AXDND1: variants seen among roughly 807,000 people sequenced by gnomAD.
The protein encoded by AXDND1 is axonemal dynein light chain domain-containing protein 1.
AXDND1 carries 110 observed loss-of-function variants against 137.5 expected under a neutral mutation model. The ratio of observed to expected loss-of-function variants is 0.80; its 90% CI spans 0.69 to 0.94. The LOEUF is 0.94. Ranked by LOEUF, AXDND1 falls within the 40% of genes least tolerant of loss-of-function variation. The pLI is 0.00. For missense variants in AXDND1, 1,191 were observed against 1,169.8 expected (o/e 1.02, Z -0.26); for synonymous variants, 414 against 399.7 (o/e 1.04, Z -0.43).
In AXDND1 at chr1:179,528,436, G is replaced by C; in HGVS notation, c.2715+5G>C. The stretch of plus-strand genomic sequence containing the variant: ...ACAGATGTGTTGTCTTCCTGGGTAT[G>C]TATCTGAAACCCAGCTAGGGAATTC... On this transcript the variant is annotated splice_donor_5th_base_variant and intron_variant, in intron 23 of 25. Coordinates refer to ENST00000367618, the MANE Select transcript of AXDND1 (RefSeq NM_144696.6). 6.3e-7 allele frequency: 1 copy of C among 1,592,252 alleles called. No homozygotes were observed. Among genetic ancestry groups the C allele is most frequent in the Non-Finnish European group, 8.6e-7 (1 of 1,160,370 alleles).
At chr1:179,475,716 T>A (rs1664530758) in intron 17 of AXDND1, among the ~76,000 whole-genome samples, 1 of 152,192 alleles carries the variant, frequency 6.6e-6, no homozygotes. Context: ...AATGCTGAAA[T>A]GAGTTTAGAC....
At chr1:179,491,311 C>CA (rs1462086346) in intron 18 of AXDND1, among the ~76,000 whole-genome samples, 1 of 151,652 alleles carries the variant, frequency 6.6e-6, no homozygotes, top group South Asian at 2.1e-4. Flanking sequence ...CACCCCGTTT[C>CA]AAAAAAATTA....
chr1:179,502,579 A>G (rs949191868), intron 20 of AXDND1, among the ~76,000 whole-genome samples: 15 of 151,896 alleles, frequency 9.9e-5, no homozygotes, highest in African/African-American at 3.1e-4. Flanking sequence ...AAAAAAAAAA[A>G]AAAAAAGAAA....
chr1:179,549,577 G>A (rs1672998540), intron 25 of AXDND1, among the ~76,000 whole-genome samples: 1 of 152,002 alleles, frequency 6.6e-6, no homozygotes, highest in Non-Finnish European at 1.5e-5. Flanking sequence ...TTTTTACCCT[G>A]GTGTTCACTT....
At chr1:179,452,010 G>A (rs761312441) in intron 16 of AXDND1, 25 of 152,826 alleles carry the variant, frequency 1.6e-4, no homozygotes, top group Non-Finnish European at 3.5e-4. Context: ...GAAATGGTTT[G>A]GAGGGCTTAG....
intron 16 of AXDND1, among the ~76,000 whole-genome samples, chr1:179,461,274 G>C (rs559545478): frequency 6.6e-6 from 1 of 152,180 alleles, no homozygotes; most frequent in Admixed American, 6.5e-5. Flanking sequence ...CATATGGCTA[G>C]TCAGTTTTCC....
At chr1:179,478,122 A>C (rs144071029) in intron 17 of AXDND1, among the ~76,000 whole-genome samples, 1 of 152,192 alleles carries the variant, frequency 6.6e-6, no homozygotes, top group African/African-American at 2.4e-5. Context: ...GGCTGCTTTC[A>C]TGGGCTGGGG....
At chr1:179,456,406 A>G (rs759778475) in intron 16 of AXDND1, 4 of 778,366 alleles carry the variant, frequency 5.1e-6, no homozygotes, top group Non-Finnish European at 9.3e-6. Context: ...AAATCATTGT[A>G]GCTTCCACTA....
At chr1:179,386,337 C>T (rs1315922752) in intron 9 of AXDND1, among the ~76,000 whole-genome samples, 4 of 152,056 alleles carry the variant, frequency 2.6e-5, no homozygotes, top group Non-Finnish European at 5.9e-5. Flanking sequence ...CGTGAGCCAC[C>T]GAGCCCAGCC....
chr1:179,446,615 G>T (rs890114817), intron 16 of AXDND1, among the ~76,000 whole-genome samples: 1 of 152,182 alleles, frequency 6.6e-6, no homozygotes, highest in Non-Finnish European at 1.5e-5. Flanking sequence ...TTTATTGGGA[G>T]TCCATTAGTA....
At chr1:179,522,604 C>T (rs1288903574) in intron 21 of AXDND1, among the ~76,000 whole-genome samples, 1 of 151,366 alleles carries the variant, frequency 6.6e-6, no homozygotes, top group Non-Finnish European at 1.5e-5. Context: ...AAATATAATC[C>T]ATGATATATT....
At chr1:179,476,561 T>G (rs1558237795) in intron 17 of AXDND1, among the ~76,000 whole-genome samples, 1 of 152,330 alleles carries the variant, frequency 6.6e-6, no homozygotes, top group South Asian at 2.1e-4. Flanking sequence ...CTTCGGTTTT[T>G]TTTTTAAATC....
At chr1:179,427,706 G>C (rs1656776383) in intron 12 of AXDND1, among the ~76,000 whole-genome samples, 1 of 152,076 alleles carries the variant, frequency 6.6e-6, no homozygotes, top group African/African-American at 2.4e-5. Context: ...ATTTTGCTAA[G>C]GGAATAATTA....
At chr1:179,537,330 G>A (rs560187436) in intron 25 of AXDND1, among the ~76,000 whole-genome samples, 30 of 152,304 alleles carry the variant, frequency 2.0e-4, no homozygotes, top group African/African-American at 7.0e-4. Flanking sequence ...GATATTGGCT[G>A]TGGGTTTGTC....
At chr1:179,553,912 A>T (rs1419192478) in intron 25 of AXDND1, among the ~76,000 whole-genome samples, 3 of 131,872 alleles carry the variant, frequency 2.3e-5, no homozygotes, top group Non-Finnish European at 4.7e-5. Flanking sequence ...CCCCTGGCTA[A>T]TTTTTTTTTT....
intron 17 of AXDND1, among the ~76,000 whole-genome samples, chr1:179,477,105 G>T (rs1161646331): frequency 1.3e-5 from 2 of 151,780 alleles, no homozygotes; most frequent in South Asian, 2.1e-4. Context: ...TCTTCTGCCA[G>T]TTCAAATTTA....
In AXDND1 at chr1:179,432,119, C is replaced by T. The variant is rs190595742; in HGVS notation, c.1488-148C>T. On this transcript the variant is annotated intron_variant, in intron 14 of 25. Coordinates refer to ENST00000367618, the MANE Select transcript of AXDND1 (RefSeq NM_144696.6). Reference sequence around the variant, plus strand: ...ATGTTTACAAATTTAATGATAAATACCTGTGGGGAGAGGGGCTGGACCTGG... The same window carrying T: ...ATGTTTACAAATTTAATGATAAATATCTGTGGGGAGAGGGGCTGGACCTGG... 2.3e-5 allele frequency: 23 copies of T among 1,006,466 alleles called. No homozygotes were observed. In the African/African-American group the frequency reaches 3.5e-4, roughly 15 times the overall value. 62.3% of individuals were successfully genotyped at this position (1,006,466 alleles called of 1,614,324 possible). A position where few individuals can be genotyped will look rare whatever the true frequency, so the allele number is the denominator to read the frequency against.
rs1366363787 is a variant in AXDND1 at position 179,370,013 on chromosome 1, C to A, written c.309C>A (p.His103Gln). ...GCCTTGTAGACCATGTCTGGCATCACCCTGTTCGAAGGAATAAATTCAAAT... is the reference window on the plus strand; with the variant it reads ...GCCTTGTAGACCATGTCTGGCATCAACCTGTTCGAAGGAATAAATTCAAAT... ...LPRLVDHVWHHPVRRNKFKYL... is the reference protein window; with the variant it reads ...LPRLVDHVWHQPVRRNKFKYL... Residue 103 changes from histidine (H) to glutamine (Q), a missense_variant, in exon 4 of 26, where the codon CAC becomes CAA. Transcript: ENST00000367618. The A allele has an allele frequency of 6.2e-6, 10 of 1,613,954 alleles. No individual in the cohort carries two copies. The African/African-American group carries it at 8.0e-5, about 13-fold the overall frequency.
rs145590808 is a variant in AXDND1, at chr1:179,539,075, A to G, written c.3031+4113A>G. Among the ~76,000 whole-genome samples the G allele has an allele frequency of 4.1e-3, 621 of 152,148 alleles. 4 individuals carry two copies. The highest frequency in any genetic ancestry group is 0.014 in the African/African-American group (594 of 41,502). ...TCCTTCATCCCTTTATTTTGAGCCT[A>G]TGTGTGTCTTTGCACAGGAGATGGG... is the stretch of plus-strand genomic sequence containing the variant. On this transcript the variant is annotated intron_variant, in intron 25 of 25. Coordinates refer to ENST00000367618, the MANE Select transcript of AXDND1 (RefSeq NM_144696.6).
Sources: allele counts gnomAD v4.1 joint callset (sites outside exome capture counted in the v4.1 genomes callset), GRCh38; gene constraint gnomAD v4.1.1; transcripts MANE v1.5; gene names NCBI Gene and HGNC (gene_info 2026-07-23, HGNC 2026-07-21).